The following RBFOX1 variants were observed in gnomAD, a reference collection of about 807,000 sequenced individuals.
The protein encoded by RBFOX1 is RNA binding protein fox-1 homolog 1.
RBFOX1 carries 8 observed loss-of-function variants against 57.7 expected under a neutral mutation model. The observed-to-expected ratio is 0.14, with a 90% CI of 0.08 to 0.25. The LOEUF (loss-of-function observed/expected upper bound fraction) is 0.25. RBFOX1 is among the 10% of genes least tolerant of loss of function. The pLI, the probability that RBFOX1 is intolerant of heterozygous loss-of-function variation, is 1.00. For synonymous variants in RBFOX1, 326 were observed against 222.4 expected (o/e 1.47, Z -4.15); for missense variants, 611 against 548.5 (o/e 1.11, Z -1.14).
Position 7,595,612 on chromosome 16 carries a change from G to A in RBFOX1, c.532G>A (p.Gly178Ser), listed in dbSNP as rs1284886681. Residue 178 changes from glycine to serine, a missense_variant, in exon 8 of 16, where the codon GGC becomes AGC. Around this residue, in one of 3 missense-constraint regions of RBFOX1, gnomAD observed 99 missense variants for 160.3 expected, o/e 0.62. Transcript: ENST00000550418. ...GGACAGGGCGAGGGAGAAATTACACGGCACCGTGGTAGAGGGCCGTAAAAT... is the reference window on the plus strand; with the variant it reads ...GGACAGGGCGAGGGAGAAATTACACAGCACCGTGGTAGAGGGCCGTAAAAT... Reference protein sequence around the residue: ...DADRAREKLHGTVVEGRKIEV... With the variant: ...DADRAREKLHSTVVEGRKIEV... 1.3e-6 allele frequency: 2 copies of A among 1,576,350 alleles called. No individual in the cohort carries two copies. The highest frequency in any genetic ancestry group is 1.7e-6 in the Non-Finnish European group (2 of 1,159,308).
At chr16:6,973,258 A>G (rs151063277) in intron 3 of RBFOX1, among the ~76,000 whole-genome samples, 1,826 of 152,334 alleles carry the variant, frequency 0.012, 32 homozygotes, top group African/African-American at 0.042. Flanking sequence ...AATGATTAAC[A>G]GTAAGTACTT....
At chr16:5,556,196 G>T (rs729172) in intron 2 of RBFOX1, among the ~76,000 whole-genome samples, 51,749 of 152,030 alleles carry the variant, frequency 0.34, 9,649 homozygotes, top group Non-Finnish European at 0.42. Flanking sequence ...ACATACATTC[G>T]GTCTGCAGAG....
intron 4 of RBFOX1, among the ~76,000 whole-genome samples, chr16:7,377,590 T>A (rs1170062962): frequency 6.6e-6 from 1 of 152,244 alleles, no homozygotes; most frequent in African/African-American, 2.4e-5. Flanking sequence ...GATTTGTCTA[T>A]GGCATTATTC....
At chr16:5,253,991 CTA>C (rs35651554) in intron 1 of RBFOX1, among the ~76,000 whole-genome samples, 52,643 of 151,876 alleles carry the variant, frequency 0.35, 9,207 homozygotes, top group African/African-American at 0.39. Context: ...GTGGTAGACA[CTA>C]GCTCAGGTAC....
intron 4 of RBFOX1, among the ~76,000 whole-genome samples, chr16:5,992,138 G>C (rs2060410757): frequency 6.6e-6 from 1 of 151,534 alleles, no homozygotes; most frequent in African/African-American, 2.4e-5. Context: ...CATTTACCTT[G>C]ACATAAAATA....
chr16:7,285,005 C>T (rs1335946046), intron 4 of RBFOX1, among the ~76,000 whole-genome samples: 1 of 151,634 alleles, frequency 6.6e-6, no homozygotes, highest in Non-Finnish European at 1.5e-5. Flanking sequence ...CAATGGAATG[C>T]CGCCTCTTCA....
intron 11 of RBFOX1, 121 bp from the exon 12 acceptor site, chr16:7,653,694 G>A (rs898831372): frequency 1.3e-5 from 18 of 1,400,968 alleles, no homozygotes; most frequent in Non-Finnish European, 1.5e-5. Context: ...ATTCCGGGAA[G>A]CGGGCGGGGG....
chr16:5,454,882 C>CT (rs1255145233), intron 1 of RBFOX1, among the ~76,000 whole-genome samples: 3 of 91,348 alleles, frequency 3.3e-5, no homozygotes, highest in African/African-American at 1.2e-4. Flanking sequence ...TTCTTTCTTT[C>CT]TTTCTTTCTT....
At chr16:7,468,414 C>G (rs959877484) in intron 4 of RBFOX1, among the ~76,000 whole-genome samples, 1 of 150,694 alleles carries the variant, frequency 6.6e-6, no homozygotes, top group East Asian at 1.9e-4. Context: ...CACGCTGCTA[C>G]TTGCACTCAA....
intron 2 of RBFOX1, among the ~76,000 whole-genome samples, chr16:6,342,710 A>T (rs1010478317): frequency 1.3e-5 from 2 of 152,098 alleles, no homozygotes; most frequent in Non-Finnish European, 2.9e-5. Flanking sequence ...TTTTTGTGAA[A>T]TGTGTTTGGT....
At chr16:6,336,148 CATATACATATATATATAT>C (rs2083641967) in intron 2 of RBFOX1, among the ~76,000 whole-genome samples, 1 of 54,132 alleles carries the variant, frequency 1.8e-5, no homozygotes, top group Non-Finnish European at 3.2e-5. Context: ...CATATATATA[CATATACATATATATATAT>C]ATATATATAT....
chr16:6,693,655 C>T (rs1241696115), intron 3 of RBFOX1, among the ~76,000 whole-genome samples: 1 of 150,564 alleles, frequency 6.6e-6, no homozygotes, highest in Non-Finnish European at 1.5e-5. Context: ...CCACAATCAT[C>T]ATCATCATCC....
chr16:7,563,326 G>T (rs1391998433), intron 5 of RBFOX1, among the ~76,000 whole-genome samples: 1 of 152,152 alleles, frequency 6.6e-6, no homozygotes, highest in Admixed American at 6.5e-5. Context: ...CTAGATAAAG[G>T]TAATGAGACA....
intron 3 of RBFOX1, among the ~76,000 whole-genome samples, chr16:6,737,051 C>G (rs2070580436): frequency 6.6e-6 from 1 of 152,184 alleles, no homozygotes; most frequent in African/African-American, 2.4e-5. Flanking sequence ...CAGTGAACAT[C>G]TACCATGTGT....
At chr16:5,526,322 T>C (rs2044244389) in intron 2 of RBFOX1, among the ~76,000 whole-genome samples, 1 of 152,094 alleles carries the variant, frequency 6.6e-6, no homozygotes. Context: ...AGAGTCTCAC[T>C]CTACTGCCCA....
At chr16:5,746,288 A>G (rs1014477358) in intron 3 of RBFOX1, among the ~76,000 whole-genome samples, 8 of 152,062 alleles carry the variant, frequency 5.3e-5, no homozygotes, top group East Asian at 1.9e-4. Flanking sequence ...GTTCTGTTCC[A>G]TTGGTCTATA....
intron 3 of RBFOX1, among the ~76,000 whole-genome samples, chr16:5,733,538 C>T (rs965820432): frequency 3.3e-5 from 5 of 152,128 alleles, no homozygotes; most frequent in African/African-American, 1.2e-4. Flanking sequence ...TGACCTTGGC[C>T]AGGTCAGCTG....
intron 3 of RBFOX1, among the ~76,000 whole-genome samples, chr16:6,744,127 C>G (rs2073003412): frequency 1.3e-5 from 2 of 151,990 alleles, no homozygotes; most frequent in Non-Finnish European, 2.9e-5. Flanking sequence ...GAGAAAAATA[C>G]ATCAGGGATA....
At chr16:6,648,466 G>T (rs2098551467) in intron 2 of RBFOX1, among the ~76,000 whole-genome samples, 2 of 152,128 alleles carry the variant, frequency 1.3e-5, no homozygotes. Context: ...GGACCGCATG[G>T]TTATTAAATA....
Sources: allele counts gnomAD v4.1 joint callset (sites outside exome capture counted in the v4.1 genomes callset), GRCh38; gene constraint gnomAD v4.1.1; regional missense constraint gnomAD v4.1.1; transcripts MANE v1.5; gene names NCBI Gene and HGNC (gene_info 2026-07-23, HGNC 2026-07-21).